The following FGD4 variants were observed in gnomAD, a reference collection of about 807,000 sequenced individuals.
FGD4 encodes FYVE, RhoGEF and PH domain-containing protein 4.
In FGD4, 42 loss-of-function variants were observed where a neutral mutation model predicts 102.0. The ratio of observed to expected loss-of-function variants is 0.41; its 90% CI spans 0.32 to 0.53. FGD4 has a LOEUF of 0.53. Ranked by LOEUF, FGD4 falls within the 20% of genes least tolerant of loss-of-function variation. The pLI, the probability that FGD4 is intolerant of heterozygous loss-of-function variation, is 0.21. For synonymous variants in FGD4, 380 were observed against 375.7 expected (o/e 1.01, Z -0.13); for missense variants, 902 against 1,078.2 (o/e 0.84, Z 2.29).
rs1398789313 is a variant in FGD4, at chr12:32,642,869, TA to T, written c.*2339del. On this transcript the variant is annotated 3_prime_UTR_variant, in exon 17 of 17. Coordinates refer to ENST00000534526, the MANE Select transcript of FGD4 (RefSeq NM_001370298.3). ...TAAAGTAATACCCTTAGCCATTTAT[TA>T]AACAATTCAACCAAGAGACCTCAAA... 3 of 152,506 alleles carry T rather than the reference TA, an allele frequency of 2.0e-5. No individual in the cohort carries two copies. Among genetic ancestry groups the T allele is most frequent in the Admixed American group, 6.6e-5 (1 of 15,262 alleles). The allele number at this position is 152,506 out of a possible 1,614,324, so 9.4% of individuals were successfully genotyped here. A position where few individuals can be genotyped will look rare whatever the true frequency, so the allele number is the denominator to read the frequency against.
chr12:32,585,912 C>T (rs1946994663), intron 4 of FGD4, among the ~76,000 whole-genome samples: 1 of 149,690 alleles, frequency 6.7e-6, no homozygotes, highest in Non-Finnish European at 1.5e-5. Context: ...AGTTGAGGGC[C>T]AGGCTGCTGA....
At chr12:32,541,377 GT>G (rs1255546066) in intron 1 of FGD4, among the ~76,000 whole-genome samples, 3 of 151,780 alleles carry the variant, frequency 2.0e-5, no homozygotes, top group Non-Finnish European at 2.9e-5. Flanking sequence ...TTATAGTAAT[GT>G]TTTTTTTGAG....
chr12:32,510,386 CAAT>C (rs1252330744), intron 1 of FGD4, among the ~76,000 whole-genome samples: 1 of 152,038 alleles, frequency 6.6e-6, no homozygotes, highest in Non-Finnish European at 1.5e-5. Flanking sequence ...TTTTATATAA[CAAT>C]AAAAATACTA....
chr12:32,417,492 C>T (rs1941464976), intron 1 of FGD4, among the ~76,000 whole-genome samples: 1 of 151,982 alleles, frequency 6.6e-6, no homozygotes, highest in South Asian at 2.1e-4. Context: ...GAGTCTCACT[C>T]TGTCACCCAG....
At chr12:32,439,042 A>T (rs928184518) in intron 1 of FGD4, among the ~76,000 whole-genome samples, 3 of 152,184 alleles carry the variant, frequency 2.0e-5, no homozygotes, top group Non-Finnish European at 4.4e-5. Flanking sequence ...TATAGATATC[A>T]TGTTGTACAA....
intron 2 of FGD4, among the ~76,000 whole-genome samples, chr12:32,575,576 G>C (rs75821965): frequency 6.6e-6 from 1 of 152,166 alleles, no homozygotes; most frequent in Non-Finnish European, 1.5e-5. Context: ...TCAACATGAT[G>C]TTTGGAGGGG....
chr12:32,431,899 T>G (rs1942058244), intron 1 of FGD4, among the ~76,000 whole-genome samples: 1 of 152,150 alleles, frequency 6.6e-6, no homozygotes, highest in South Asian at 2.1e-4. Flanking sequence ...TAATATGAAG[T>G]TTCAGATATT....
intron 1 of FGD4, among the ~76,000 whole-genome samples, chr12:32,423,186 G>A (rs1450382884): frequency 6.6e-6 from 1 of 152,094 alleles, no homozygotes; most frequent in Non-Finnish European, 1.5e-5. Context: ...GTTTATTACT[G>A]GGTGAACCCC....
At chr12:32,604,486 A>G (rs534867842) in intron 7 of FGD4, among the ~76,000 whole-genome samples, 1 of 152,212 alleles carries the variant, frequency 6.6e-6, no homozygotes, top group Admixed American at 6.5e-5. Flanking sequence ...TCTTTCTTCA[A>G]GTTCCCTGAT....
chr12:32,510,580 G>C (rs1191455878), intron 1 of FGD4, among the ~76,000 whole-genome samples: 1 of 152,102 alleles, frequency 6.6e-6, no homozygotes, highest in Non-Finnish European at 1.5e-5. Flanking sequence ...TTATAATCTA[G>C]TAGGGACGAT....
At chr12:32,471,504 A>G (rs1018032085) in intron 1 of FGD4, among the ~76,000 whole-genome samples, 6 of 152,208 alleles carry the variant, frequency 3.9e-5, no homozygotes, top group Non-Finnish European at 8.8e-5. Flanking sequence ...TTTTCAGAAG[A>G]AAGAAAAGGT....
chr12:32,604,026 C>T (rs748156357), intron 7 of FGD4, among the ~76,000 whole-genome samples: 6 of 152,194 alleles, frequency 3.9e-5, no homozygotes, highest in Non-Finnish European at 8.8e-5. Flanking sequence ...ATATGTCATT[C>T]TCCTGCTTTC....
chr12:32,478,364 A>G (rs1943637590), intron 1 of FGD4, among the ~76,000 whole-genome samples: 1 of 152,140 alleles, frequency 6.6e-6, no homozygotes, highest in Non-Finnish European at 1.5e-5. Flanking sequence ...TCCCAGATTA[A>G]AGCAATTGTC....
chr12:32,556,408 C>G (rs577709450), intron 1 of FGD4, among the ~76,000 whole-genome samples: 5 of 152,142 alleles, frequency 3.3e-5, no homozygotes, highest in Non-Finnish European at 5.9e-5. Flanking sequence ...AACAATAACT[C>G]CCTTTTCTTC....
chr12:32,534,336 T>G (rs1565812693), intron 1 of FGD4: 8 of 1,424,408 alleles, frequency 5.6e-6, no homozygotes, highest in Non-Finnish European at 7.3e-6. Flanking sequence ...TGCATTGGTC[T>G]GAGCTCCTGG....
At chr12:32,602,875 CTGT>C (rs1948514484) in intron 7 of FGD4, among the ~76,000 whole-genome samples, 1 of 152,142 alleles carries the variant, frequency 6.6e-6, no homozygotes, top group Non-Finnish European at 1.5e-5. Flanking sequence ...CATGGGAATT[CTGT>C]TGTTCCTTGA....
At position 32,439,636 on chromosome 12, in the gene FGD4, C is replaced by T. The variant is rs138104137; in HGVS notation, c.166+39677C>T. The stretch of plus-strand genomic sequence containing the variant: ...GTCCTTGACCCTTGGGAGTTTATTA[C>T]ATGCCTTGAGGTAGTCTTCTTTGGG... On this transcript the variant is annotated intron_variant, in intron 1 of 16. Transcript: ENST00000534526. Among the ~76,000 whole-genome samples the T allele has an allele frequency of 4.6e-3, 708 of 152,284 alleles. 4 individuals are homozygous for T. The highest frequency in any genetic ancestry group is 7.6e-3 in the Admixed American group (116 of 15,300).
intron 1 of FGD4, among the ~76,000 whole-genome samples, chr12:32,442,867 T>C (rs1942492134): frequency 6.6e-6 from 1 of 152,100 alleles, no homozygotes; most frequent in Non-Finnish European, 1.5e-5. Context: ...CTTCCATCTT[T>C]TATAGTAGCC....
intron 15 of FGD4, 90 bp downstream of exon 15, chr12:32,633,779 G>T: frequency 8.3e-7 from 1 of 1,206,910 alleles, no homozygotes; most frequent in Non-Finnish European, 1.2e-6. Flanking sequence ...GCAGTGGCAC[G>T]ATCTCAGCTC....
Sources: allele counts gnomAD v4.1 joint callset (sites outside exome capture counted in the v4.1 genomes callset), GRCh38; gene constraint gnomAD v4.1.1; transcripts MANE v1.5; gene names NCBI Gene and HGNC (gene_info 2026-07-23, HGNC 2026-07-21).